DEPDC1B: variants seen among roughly 807,000 people sequenced by gnomAD.
The protein encoded by DEPDC1B is DEP domain-containing protein 1B.
Under a neutral mutation model 66.5 loss-of-function variants are expected in DEPDC1B, and 51 were observed. That is an observed-to-expected ratio of 0.77 (90% CI 0.61 to 0.97). DEPDC1B has a LOEUF of 0.97. DEPDC1B is among the 50% of genes least tolerant of loss of function. The pLI, the probability that DEPDC1B is intolerant of heterozygous loss-of-function variation, is 0.00. For synonymous variants in DEPDC1B, 226 were observed against 223.6 expected, an observed-to-expected ratio of 1.01 and a Z score of -0.10; for missense variants, 552 against 637.1, an observed-to-expected ratio of 0.87 and a Z score of 1.44.
At chr5:60,637,373 C>T (rs1187240092) in intron 7 of DEPDC1B, among the ~76,000 whole-genome samples, 3 of 152,098 alleles carry the variant, frequency 2.0e-5, no homozygotes, top group Admixed American at 6.6e-5. Context: ...GTCCTGCTCC[C>T]GCCATGTAAG....
chr5:60,618,265 G>A (rs1390393380), intron 7 of DEPDC1B, among the ~76,000 whole-genome samples: 1 of 152,154 alleles, frequency 6.6e-6, no homozygotes, highest in Non-Finnish European at 1.5e-5. Flanking sequence ...AAAGCCAACA[G>A]AAGGCAAGAA....
chr5:60,604,266 G>A (rs927243289), intron 8 of DEPDC1B, among the ~76,000 whole-genome samples: 7 of 116,036 alleles, frequency 6.0e-5, no homozygotes, highest in African/African-American at 2.3e-4. Flanking sequence ...TGTAACCTAT[G>A]CTGGAGTGCA....
chr5:60,601,892 A>C (rs1477834507), intron 9 of DEPDC1B, among the ~76,000 whole-genome samples: 3 of 152,146 alleles, frequency 2.0e-5, no homozygotes, highest in Non-Finnish European at 4.4e-5. Context: ...ATTAACTACT[A>C]TTATTCCCAT....
intron 1 of DEPDC1B, among the ~76,000 whole-genome samples, chr5:60,692,771 A>T (rs1370689529): frequency 6.6e-6 from 1 of 152,190 alleles, no homozygotes; most frequent in Non-Finnish European, 1.5e-5. Flanking sequence ...ATGTCCATCA[A>T]CATAATAAGT....
At chr5:60,609,492 C>T (rs1243159692) in intron 7 of DEPDC1B, among the ~76,000 whole-genome samples, 1 of 152,144 alleles carries the variant, frequency 6.6e-6, no homozygotes, top group East Asian at 1.9e-4. Flanking sequence ...AAGTCTCTGC[C>T]GCACAATATT....
intron 7 of DEPDC1B, chr5:60,631,031 C>G (rs1752912685): frequency 6.5e-6 from 1 of 153,634 alleles, no homozygotes; most frequent in Admixed American, 6.5e-5. Flanking sequence ...AGATCCGCTG[C>G]CCACGCCAAG....
intron 2 of DEPDC1B, among the ~76,000 whole-genome samples, chr5:60,676,931 A>G (rs1754175362): frequency 6.6e-6 from 1 of 152,176 alleles, no homozygotes; most frequent in African/African-American, 2.4e-5. Flanking sequence ...TGCCCCATCT[A>G]AAGACTTTCC....
chr5:60,692,657 C>A (rs1020029569), intron 1 of DEPDC1B, among the ~76,000 whole-genome samples: 1 of 152,088 alleles, frequency 6.6e-6, no homozygotes, highest in Non-Finnish European at 1.5e-5. Context: ...TATAACTCAG[C>A]AATTCTACTC....
intron 6 of DEPDC1B, among the ~76,000 whole-genome samples, chr5:60,640,631 C>A (rs1238128054): frequency 6.6e-6 from 1 of 152,136 alleles, no homozygotes. Context: ...ATTTATGTAG[C>A]CAGCATTGAG....
chr5:60,675,325 A>G (rs1754130080), intron 2 of DEPDC1B, among the ~76,000 whole-genome samples: 1 of 152,162 alleles, frequency 6.6e-6, no homozygotes, highest in Non-Finnish European at 1.5e-5. Context: ...TCATTATCCC[A>G]CAACAACCTG....
In DEPDC1B at chr5:60,700,071, G is replaced by T; in HGVS notation, c.23C>A (p.Pro8His). 1 of 1,558,008 alleles carries T rather than the reference G, an allele frequency of 6.4e-7. No individual in the cohort carries two copies. The highest frequency in any genetic ancestry group is 8.7e-7 in the Non-Finnish European group (1 of 1,153,012). The change falls in exon 1 of 11, where the codon CCC (proline) becomes CAC (histidine). Residue 8 changes from proline to histidine, a missense_variant. By Grantham distance (77) the Pro-to-His change is moderately conservative. Coordinates refer to ENST00000265036, the MANE Select transcript of DEPDC1B (RefSeq NM_018369.3). MEHRIVG[P>H]GPYRATRLWN... ...CAGCCTGGTAGCTCGGTACGGCCCG[G>T]GCCCCACGATGCGATGCTCCATGGC... is the stretch of plus-strand genomic sequence containing the variant.
At chr5:60,654,326 G>A (rs1753526289) in intron 2 of DEPDC1B, among the ~76,000 whole-genome samples, 1 of 147,084 alleles carries the variant, frequency 6.8e-6, no homozygotes, top group Non-Finnish European at 1.5e-5. Context: ...TCCCCTTCTT[G>A]ATTAGGTATA....
intron 2 of DEPDC1B, among the ~76,000 whole-genome samples, chr5:60,665,795 G>A (rs1318240307): frequency 1.3e-5 from 2 of 152,186 alleles, no homozygotes; most frequent in African/African-American, 4.8e-5. Flanking sequence ...CACGGGGCTT[G>A]TAACTCAGCT....
chr5:60,627,787 A>T (rs1461597298), intron 7 of DEPDC1B, among the ~76,000 whole-genome samples: 1 of 152,100 alleles, frequency 6.6e-6, no homozygotes, highest in Admixed American at 6.5e-5. Flanking sequence ...ACATTATGCC[A>T]ATTTTTTATC....
At chr5:60,624,202 T>C (rs1004276630) in intron 7 of DEPDC1B, among the ~76,000 whole-genome samples, 1 of 152,186 alleles carries the variant, frequency 6.6e-6, no homozygotes, top group Non-Finnish European at 1.5e-5. Context: ...TTATCATTAA[T>C]GGGTGTTGAA....
intron 7 of DEPDC1B, among the ~76,000 whole-genome samples, chr5:60,615,526 C>T (rs286149): frequency 0.11 from 16,640 of 152,238 alleles, 1,167 homozygotes; most frequent in Admixed American, 0.18. Context: ...GAGGGTCCTA[C>T]GCCCACGGAG....
intron 7 of DEPDC1B, among the ~76,000 whole-genome samples, chr5:60,634,088 T>C (rs916444662): frequency 7.2e-5 from 11 of 152,152 alleles, no homozygotes; most frequent in Admixed American, 1.3e-4. Context: ...AATCCAATTA[T>C]GGGACGCTAA....
At chr5:60,654,047 C>A (rs1336272493) in intron 2 of DEPDC1B, among the ~76,000 whole-genome samples, 1 of 149,218 alleles carries the variant, frequency 6.7e-6, no homozygotes, top group African/African-American at 2.5e-5. Flanking sequence ...GTAATACTTC[C>A]AGATTTGTTC....
intron 9 of DEPDC1B, among the ~76,000 whole-genome samples, chr5:60,599,995 G>A (rs920333728): frequency 3.9e-5 from 6 of 152,110 alleles, no homozygotes; most frequent in Admixed American, 3.9e-4. Flanking sequence ...GCTGGTCTCG[G>A]CATTCCCTCT....
Sources: allele counts gnomAD v4.1 joint callset (sites outside exome capture counted in the v4.1 genomes callset), GRCh38; gene constraint gnomAD v4.1.1; transcripts MANE v1.5; gene names NCBI Gene and HGNC (gene_info 2026-07-23, HGNC 2026-07-21).